UMAD1: variants seen among roughly 807,000 people sequenced by gnomAD.
The protein encoded by UMAD1 is UBAP1-MVB12-associated (UMA) domain containing 1.
Under a neutral mutation model 6.1 loss-of-function variants are expected in UMAD1, and 8 were observed. The observed-to-expected ratio is 1.30, with a 90% CI of 0.76 to 2.35. The LOEUF (loss-of-function observed/expected upper bound fraction) is 2.35, where lower values mean the gene tolerates loss of function less well. Ranked by LOEUF, UMAD1 falls within the 30% of genes most tolerant of loss-of-function variation. The probability of loss-of-function intolerance (pLI) is 0.00; values close to 1 mark genes in which losing one functional copy is unlikely to be tolerated. For synonymous variants in UMAD1, 56 were observed against 31.4 expected (o/e 1.78, Z -2.61); for missense variants, 130 against 78.4 (o/e 1.66, Z -2.49).
chr7:7,688,484 T>C (rs1200573683), intron 2 of UMAD1, among the ~76,000 whole-genome samples: 5 of 152,198 alleles, frequency 3.3e-5, no homozygotes, highest in Non-Finnish European at 5.9e-5. Flanking sequence ...TGCCTTGCCC[T>C]CAGCCCCGTG....
At chr7:7,855,239 T>A (rs1783993906) in intron 3 of UMAD1, among the ~76,000 whole-genome samples, 1 of 152,144 alleles carries the variant, frequency 6.6e-6, no homozygotes, top group South Asian at 2.1e-4. Context: ...TTCTCACAAC[T>A]CCACTAGACA....
At chr7:7,807,108 A>T (rs1288138233) in intron 3 of UMAD1, among the ~76,000 whole-genome samples, 1 of 152,156 alleles carries the variant, frequency 6.6e-6, no homozygotes, top group Non-Finnish European at 1.5e-5. Context: ...GGAATTCTCC[A>T]TCTATTTGTG....
intron 3 of UMAD1, among the ~76,000 whole-genome samples, chr7:7,874,272 T>A (rs1784378397): frequency 6.6e-6 from 1 of 152,224 alleles, no homozygotes; most frequent in Admixed American, 6.5e-5. Flanking sequence ...ATCGACTTCA[T>A]AAGTAATCTG....
At chr7:7,742,338 G>A (rs1003590501) in intron 2 of UMAD1, 1 of 612,238 alleles carries the variant, frequency 1.6e-6, no homozygotes, top group Non-Finnish European at 3.2e-6. Context: ...TAGTGGTTAA[G>A]CTTGTTTCTC....
At chr7:7,774,232 G>C (rs913180659) in intron 2 of UMAD1, among the ~76,000 whole-genome samples, 1 of 152,210 alleles carries the variant, frequency 6.6e-6, no homozygotes, top group Admixed American at 6.5e-5. Flanking sequence ...GAATGGAGCA[G>C]AGTGTGGGGT....
At chr7:7,863,838 C>A (rs950512610) in intron 3 of UMAD1, among the ~76,000 whole-genome samples, 1 of 152,166 alleles carries the variant, frequency 6.6e-6, no homozygotes. Flanking sequence ...AACAGACTCT[C>A]CCTTTGGCCA....
At chr7:7,751,477 A>C (rs1781676809) in intron 2 of UMAD1, among the ~76,000 whole-genome samples, 1 of 152,206 alleles carries the variant, frequency 6.6e-6, no homozygotes, top group Non-Finnish European at 1.5e-5. Context: ...GGCAGAAATG[A>C]GGAATGTAAG....
intron 3 of UMAD1, among the ~76,000 whole-genome samples, chr7:7,847,553 C>A (rs1264641869): frequency 1.3e-5 from 2 of 151,964 alleles, no homozygotes; most frequent in Non-Finnish European, 2.9e-5. Context: ...TTGTCTTTTT[C>A]CCTCTTCATC....
At chr7:7,711,630 T>C (rs1750099720) in intron 2 of UMAD1, among the ~76,000 whole-genome samples, 1 of 152,170 alleles carries the variant, frequency 6.6e-6, no homozygotes, top group Admixed American at 6.5e-5. Flanking sequence ...TTATGTTTAA[T>C]AGTCATATGT....
Position 7,648,245 on chromosome 7 carries a change from C to T in UMAD1, c.-64+7424C>T, listed in dbSNP as rs753694112. Among the ~76,000 whole-genome samples the T allele has an allele frequency of 2.6e-5, 4 of 152,320 alleles. No homozygotes were observed. In the South Asian group the frequency reaches 6.2e-4, roughly 24 times the overall value. On this transcript the variant is annotated intron_variant, in intron 1 of 3. Transcript: ENST00000682710. ...GGATTCCTTTCTAAGAGAGCACTAG[C>T]GTTTGACAGATCATGAGTGATTTGC...
At chr7:7,770,265 C>T (rs1370192028) in intron 2 of UMAD1, among the ~76,000 whole-genome samples, 1 of 152,158 alleles carries the variant, frequency 6.6e-6, no homozygotes, top group Admixed American at 6.5e-5. Context: ...CTTTCTCCCC[C>T]AGAGGCAAGT....
intron 3 of UMAD1, among the ~76,000 whole-genome samples, chr7:7,805,014 AAAAG>A (rs1384944765): frequency 2.8e-5 from 4 of 144,920 alleles, no homozygotes; most frequent in Admixed American, 6.9e-5. Flanking sequence ...AAAACAAAAC[AAAAG>A]TGAAAACACT....
At chr7:7,665,499 T>C (rs1005056033) in intron 1 of UMAD1, among the ~76,000 whole-genome samples, 2 of 152,248 alleles carry the variant, frequency 1.3e-5, no homozygotes, top group Non-Finnish European at 2.9e-5. Context: ...ATGTGACATC[T>C]AATTGTGTCA....
At chr7:7,787,639 A>G (rs928745228) in intron 2 of UMAD1, among the ~76,000 whole-genome samples, 3 of 152,206 alleles carry the variant, frequency 2.0e-5, no homozygotes, top group Admixed American at 1.3e-4. Flanking sequence ...CCTTTCTCCC[A>G]TATTGTCTTG....
rs1403834734 is a variant in UMAD1 at position 7,847,095 on chromosome 7, AAAAAAAAAAATATATATAT to A, written c.157-30184_157-30166del. 8.5e-5 allele frequency among the ~76,000 whole-genome samples: 4 copies of A among 47,130 alleles called. 1 individual carries two copies. Among genetic ancestry groups the A allele is most frequent in the African/African-American group, 5.9e-4 (4 of 6,766 alleles). 30.9% of individuals were successfully genotyped at this position (47,130 alleles called of 152,430 possible). ...AAAAAAAGACAGCAATGCAAAAAAA[AAAAAAAAAAATATATATAT>A]ATATATATATATATATATATATATA... is the stretch of plus-strand genomic sequence containing the variant. On this transcript the variant is annotated intron_variant, in intron 3 of 3. Transcript: ENST00000682710.
intron 3 of UMAD1, among the ~76,000 whole-genome samples, chr7:7,833,075 G>C (rs1783495163): frequency 6.6e-6 from 1 of 152,190 alleles, no homozygotes; most frequent in East Asian, 1.9e-4. Flanking sequence ...AGACTGGAAA[G>C]GCAGCTTGGG....
Position 7,822,045 on chromosome 7 carries a change from A to T in UMAD1, c.156+20302A>T, listed in dbSNP as rs73674641. On this transcript the variant is annotated intron_variant, in intron 3 of 3. Coordinates refer to ENST00000682710, the MANE Select transcript of UMAD1 (RefSeq NM_001302348.2). ...TGAGTTGTTGATGTGCTTTTGTATG[A>T]TATCAGCCAAAGCAAAACCTACATA... 2.2e-3 allele frequency among the ~76,000 whole-genome samples: 340 copies of T among 152,216 alleles called. 3 individuals are homozygous for T. Among genetic ancestry groups the T allele is most frequent in the African/African-American group, 7.7e-3 (318 of 41,546 alleles).
chr7:7,787,295 C>T (rs1782479924), intron 2 of UMAD1, among the ~76,000 whole-genome samples: 1 of 151,972 alleles, frequency 6.6e-6, no homozygotes, highest in South Asian at 2.1e-4. Context: ...TGTTTTTACT[C>T]TTTAACCAGT....
In UMAD1 at chr7:7,676,252, AG is replaced by A. The variant is rs1389078837; in HGVS notation, c.82+2800del. ...TACCACTTAGCATATCTAGGAAATG[AG>A]CACGATATCGGTACCTACCCCATGA... On this transcript the variant is annotated intron_variant, in intron 2 of 3. Coordinates refer to ENST00000682710, the MANE Select transcript of UMAD1 (RefSeq NM_001302348.2). 3.1e-4 allele frequency: 123 copies of A among 398,426 alleles called. No homozygotes were observed. The East Asian group carries it at 4.3e-3, about 14-fold the overall frequency. 24.7% of individuals were successfully genotyped at this position (398,426 alleles called of 1,614,324 possible).
Sources: gnomAD v4.1 joint callset for allele counts (sites outside exome capture counted in the v4.1 genomes callset) on GRCh38, gnomAD v4.1.1 for gene constraint, MANE v1.5 for transcripts, NCBI Gene and HGNC (gene_info 2026-07-23, HGNC 2026-07-21) for gene names.